ZFPM2: variants seen among roughly 807,000 people sequenced by gnomAD.
ZFPM2 encodes the protein zinc finger protein, FOG family member 2.
Under a neutral mutation model 98.6 loss-of-function variants are expected in ZFPM2, and 20 were observed. That is an observed-to-expected ratio of 0.20 (90% confidence interval 0.14 to 0.29). The LOEUF is 0.29. Among genes scored for constraint, ZFPM2 ranks in the 10% least tolerant of loss-of-function variants. ZFPM2 has a pLI of 1.00. For missense variants in ZFPM2, 1,310 were observed against 1,388.6 expected, an observed-to-expected ratio of 0.94 and a Z score of 0.90; for synonymous variants, 518 against 502.7, an observed-to-expected ratio of 1.03 and a Z score of -0.41.
chr8:105,688,138 A>G (rs1288084058), intron 5 of ZFPM2, among the ~76,000 whole-genome samples: 2 of 152,098 alleles, frequency 1.3e-5, no homozygotes, highest in Non-Finnish European at 2.9e-5. Flanking sequence ...AACTAAAATA[A>G]TGAAAATTAT....
chr8:105,434,195 T>A (rs533258028), intron 2 of ZFPM2, among the ~76,000 whole-genome samples: 1 of 152,232 alleles, frequency 6.6e-6, no homozygotes, highest in African/African-American at 2.4e-5. Flanking sequence ...ATTCTTAATT[T>A]TTTTTTTTTT....
intron 5 of ZFPM2, among the ~76,000 whole-genome samples, chr8:105,712,998 G>A (rs183007880): frequency 4.2e-4 from 64 of 152,106 alleles, no homozygotes; most frequent in Non-Finnish European, 8.4e-4. Flanking sequence ...ATAAACGTAT[G>A]AGTGCAGGTG....
Position 105,403,197 on chromosome 8 carries a change from G to T in ZFPM2, c.41-15947G>T, listed in dbSNP as rs180829986. On this transcript the variant is annotated intron_variant, in intron 1 of 7. Coordinates refer to ENST00000407775, the MANE Select transcript of ZFPM2 (RefSeq NM_012082.4). ...CAGGCCTGGAAATTCATAATTATGT[G>T]TAAATCCTTAGTGTTATACCTACTG... Among the ~76,000 whole-genome samples, 196 of 152,132 alleles carry T rather than the reference G, an allele frequency of 1.3e-3. 1 individual carries two copies. Among genetic ancestry groups the T allele is most frequent in the Middle Eastern group, 6.8e-3 (2 of 294 alleles).
intron 3 of ZFPM2, among the ~76,000 whole-genome samples, chr8:105,554,793 A>G (rs1164332800): frequency 6.6e-6 from 1 of 152,154 alleles, no homozygotes; most frequent in African/African-American, 2.4e-5. Flanking sequence ...TTAATGGTGA[A>G]TTCAGGTGAA....
intron 1 of ZFPM2, among the ~76,000 whole-genome samples, chr8:105,395,482 A>C (rs568498261): frequency 6.2e-4 from 94 of 152,254 alleles, no homozygotes; most frequent in African/African-American, 2.0e-3. Flanking sequence ...GGGTCCTTAC[A>C]CACCACCTGA....
At chr8:105,433,448 A>T (rs1159752439) in intron 2 of ZFPM2, among the ~76,000 whole-genome samples, 1 of 152,158 alleles carries the variant, frequency 6.6e-6, no homozygotes, top group Non-Finnish European at 1.5e-5. Flanking sequence ...TTTTCTCCTT[A>T]CTAGCTATGA....
chr8:105,650,508 G>A (rs1817148927), intron 5 of ZFPM2, among the ~76,000 whole-genome samples: 1 of 152,078 alleles, frequency 6.6e-6, no homozygotes, highest in Non-Finnish European at 1.5e-5. Flanking sequence ...TCTCTGATGG[G>A]CATTTAGTGC....
chr8:105,452,563 T>C (rs1159049481), intron 3 of ZFPM2, among the ~76,000 whole-genome samples: 2 of 151,832 alleles, frequency 1.3e-5, no homozygotes, highest in African/African-American at 4.8e-5. Flanking sequence ...ACCTGGGCAA[T>C]ATTGTGTAAC....
chr8:105,566,278 T>A (rs1286813744), intron 4 of ZFPM2, among the ~76,000 whole-genome samples: 1 of 152,164 alleles, frequency 6.6e-6, no homozygotes, highest in East Asian at 1.9e-4. Context: ...AAAAAATTGA[T>A]ACCAGTGAGG....
chr8:105,626,211 G>A (rs1319525116), intron 4 of ZFPM2, among the ~76,000 whole-genome samples: 1 of 152,080 alleles, frequency 6.6e-6, no homozygotes, highest in African/African-American at 2.4e-5. Context: ...GACCATGCCA[G>A]GATTACTGAA....
intron 1 of ZFPM2, among the ~76,000 whole-genome samples, chr8:105,403,372 T>C (rs1380008633): frequency 6.6e-6 from 1 of 152,124 alleles, no homozygotes; most frequent in Admixed American, 6.6e-5. Flanking sequence ...TGCATTCTCA[T>C]GCTGTTTGTC....
In ZFPM2 at chr8:105,802,960, C is replaced by T. The variant is rs756212544; in HGVS notation, c.2878C>T (p.His960Tyr). 1.2e-6 allele frequency: 2 copies of T among 1,612,798 alleles called. No homozygotes were observed. Among genetic ancestry groups the T allele is most frequent in the South Asian group, 1.1e-5 (1 of 90,900 alleles). The part of the protein sequence containing the change: ...QLIATKEENR[H>Y]LFLPQCLYPG... ...CATTGCTACAAAAGAAGAAAACAGA[C>T]ATTTGTTTCTTCCACAATGCCTTTA... The change falls in exon 8 of 8, where the codon CAT becomes TAT. Residue 960 changes from histidine (H) to tyrosine (Y), a missense_variant. Physicochemically the swap from His to Tyr is moderately conservative, Grantham distance 83 (BLOSUM62 2). Transcript: ENST00000407775.
intron 1 of ZFPM2, among the ~76,000 whole-genome samples, chr8:105,355,585 A>G (rs147267827): frequency 2.0e-5 from 3 of 152,172 alleles, no homozygotes; most frequent in Non-Finnish European, 4.4e-5. Context: ...AGAGTACTTA[A>G]AATTTTAAGA....
At chr8:105,632,529 G>A (rs1297664405) in intron 4 of ZFPM2, among the ~76,000 whole-genome samples, 1 of 152,016 alleles carries the variant, frequency 6.6e-6, no homozygotes, top group Non-Finnish European at 1.5e-5. Context: ...AGCAAAATAT[G>A]CATCATTAGG....
intron 6 of ZFPM2, among the ~76,000 whole-genome samples, chr8:105,794,500 G>A (rs111588300): frequency 0.092 from 14,044 of 152,190 alleles, 2,151 homozygotes; most frequent in African/African-American, 0.31. Flanking sequence ...TGGGGGGTGC[G>A]TCCCAGTTAG....
intron 5 of ZFPM2, among the ~76,000 whole-genome samples, chr8:105,771,777 G>A (rs1812982564): frequency 6.6e-6 from 1 of 152,112 alleles, no homozygotes; most frequent in African/African-American, 2.4e-5. Context: ...AAAGCACAGG[G>A]CAGAGCGAGG....
chr8:105,447,108 C>A (rs991782439), intron 3 of ZFPM2, among the ~76,000 whole-genome samples: 8 of 151,480 alleles, frequency 5.3e-5, no homozygotes, highest in African/African-American at 1.9e-4. Flanking sequence ...TGATGGTTAC[C>A]CCATTTACCC....
chr8:105,650,983 G>A (rs1439219296), intron 5 of ZFPM2, among the ~76,000 whole-genome samples: 1 of 152,058 alleles, frequency 6.6e-6, no homozygotes, highest in Non-Finnish European at 1.5e-5. Flanking sequence ...TTCAATTCTA[G>A]CGTCTTCTTT....
chr8:105,379,025 G>A (rs73300113), intron 1 of ZFPM2, among the ~76,000 whole-genome samples: 12,410 of 152,014 alleles, frequency 0.082, 1,662 homozygotes, highest in African/African-American at 0.28. Context: ...GATAATTAAC[G>A]TCTAGGACCT....
Sources: allele counts gnomAD v4.1 joint callset (sites outside exome capture counted in the v4.1 genomes callset), GRCh38; gene constraint gnomAD v4.1.1; transcripts MANE v1.5; gene names NCBI Gene and HGNC (gene_info 2026-07-23, HGNC 2026-07-21).